Variants in PDE1C observed in about 807,000 individuals in gnomAD.
PDE1C encodes the protein dual specificity calcium/calmodulin-dependent 3',5'-cyclic nucleotide phosphodiesterase 1C.
PDE1C carries 62 observed loss-of-function variants against 93.1 expected under a neutral mutation model. The ratio of observed to expected loss-of-function variants is 0.67; its 90% CI spans 0.54 to 0.82. The LOEUF (loss-of-function observed/expected upper bound fraction) is 0.82, where lower values mean the gene tolerates loss of function less well. Among genes scored for constraint, PDE1C ranks in the 40% least tolerant of loss-of-function variants. The pLI is 0.00. For missense variants in PDE1C, 742 were observed against 884.6 expected, an observed-to-expected ratio of 0.84 and a Z score of 2.04; for synonymous variants, 325 against 310.1, an observed-to-expected ratio of 1.05 and a Z score of -0.50.
intron 1 of PDE1C, among the ~76,000 whole-genome samples, chr7:32,249,253 G>A (rs1323900556): frequency 6.6e-6 from 1 of 152,006 alleles, no homozygotes. Flanking sequence ...AAACAACCTA[G>A]ATCATGTCAC....
intron 1 of PDE1C, among the ~76,000 whole-genome samples, chr7:32,233,852 C>G (rs1246349506): frequency 1.3e-5 from 2 of 151,938 alleles, no homozygotes; most frequent in Non-Finnish European, 2.9e-5. Context: ...ACTTTCTACT[C>G]AAAACTAGCA....
At chr7:32,224,192 G>A (rs532436027) in intron 1 of PDE1C, among the ~76,000 whole-genome samples, 3 of 152,308 alleles carry the variant, frequency 2.0e-5, no homozygotes, top group African/African-American at 7.2e-5. Context: ...GGCCAACATG[G>A]TGAAACCCCA....
intron 2 of PDE1C, among the ~76,000 whole-genome samples, chr7:31,943,355 C>A (rs924943657): frequency 3.9e-5 from 6 of 152,172 alleles, no homozygotes; most frequent in Admixed American, 2.6e-4. Context: ...CACTGCTCAC[C>A]AGACACCTGG....
intron 1 of PDE1C, among the ~76,000 whole-genome samples, chr7:32,064,226 T>C (rs1264895257): frequency 1.3e-5 from 2 of 152,182 alleles, no homozygotes; most frequent in Non-Finnish European, 2.9e-5. Flanking sequence ...GGTCTCTCCA[T>C]GGCTCCATAT....
chr7:32,186,792 T>C (rs1486937843), intron 2 of PDE1C, among the ~76,000 whole-genome samples: 1 of 152,178 alleles, frequency 6.6e-6, no homozygotes, highest in African/African-American at 2.4e-5. Context: ...TGGGAATTTT[T>C]GTAACTATTT....
At chr7:32,228,191 A>G (rs578035059) in intron 1 of PDE1C, among the ~76,000 whole-genome samples, 13 of 152,344 alleles carry the variant, frequency 8.5e-5, no homozygotes, top group African/African-American at 2.6e-4. Flanking sequence ...CCTTCAGAGA[A>G]CCAAACTTTG....
chr7:31,904,788 T>C (rs1800390863), intron 2 of PDE1C, among the ~76,000 whole-genome samples: 1 of 152,164 alleles, frequency 6.6e-6, no homozygotes, highest in Non-Finnish European at 1.5e-5. Flanking sequence ...TTAAATGGCT[T>C]ATGGAAAAAG....
At chr7:31,808,353 A>G (rs966069819) in intron 16 of PDE1C, 2 of 267,188 alleles carry the variant, frequency 7.5e-6, no homozygotes, top group Non-Finnish European at 1.5e-5. Context: ...CCTGTGTGAT[A>G]GCTGAAACAA....
chr7:32,140,281 C>T (rs1800441309), intron 3 of PDE1C, among the ~76,000 whole-genome samples: 1 of 152,152 alleles, frequency 6.6e-6, no homozygotes, highest in African/African-American at 2.4e-5. Flanking sequence ...TAAGAAATAG[C>T]AGTGTCAAGA....
chr7:32,045,040 A>C (rs1792336078), intron 2 of PDE1C, among the ~76,000 whole-genome samples: 1 of 150,132 alleles, frequency 6.7e-6, no homozygotes, highest in South Asian at 2.1e-4. Context: ...AGATCCCTAC[A>C]CCTGTGCCCT....
chr7:32,056,758 T>C (rs1794171766), intron 1 of PDE1C, among the ~76,000 whole-genome samples: 1 of 152,216 alleles, frequency 6.6e-6, no homozygotes, highest in Non-Finnish European at 1.5e-5. Context: ...CAAAACTTAC[T>C]TGATCAAAAA....
At chr7:32,136,381 G>A (rs751514426) in intron 3 of PDE1C, among the ~76,000 whole-genome samples, 21 of 151,474 alleles carry the variant, frequency 1.4e-4, no homozygotes, top group South Asian at 2.1e-4. Context: ...TCACTCTGTC[G>A]CCCAGGCTGG....
At chr7:32,290,213 TGAGACAGGCACTCCA>T (rs1812245891) in intron 1 of PDE1C, among the ~76,000 whole-genome samples, 1 of 152,146 alleles carries the variant, frequency 6.6e-6, no homozygotes, top group Non-Finnish European at 1.5e-5. Context: ...CCGGCTTGGC[TGAGACAGGCACTCCA>T]GATCCCTGGC....
intron 3 of PDE1C, among the ~76,000 whole-genome samples, chr7:32,086,126 T>G (rs890980854): frequency 1.4e-5 from 2 of 147,542 alleles, no homozygotes; most frequent in African/African-American, 5.1e-5. Flanking sequence ...GCCCAAAATC[T>G]CCTTAAGCTG....
At chr7:31,923,987 A>G (rs900810786) in intron 2 of PDE1C, among the ~76,000 whole-genome samples, 2 of 152,136 alleles carry the variant, frequency 1.3e-5, no homozygotes, top group Non-Finnish European at 2.9e-5. Flanking sequence ...TTTCTATTCA[A>G]GATCTCATTC....
intron 1 of PDE1C, among the ~76,000 whole-genome samples, chr7:32,308,083 C>A (rs1813062073): frequency 6.6e-6 from 1 of 152,266 alleles, no homozygotes; most frequent in Admixed American, 6.5e-5. Context: ...GAGATTATAT[C>A]CCGCACATGG....
chr7:31,654,856 A>C, the PDE1C span, among the ~76,000 whole-genome samples: 5 of 152,080 alleles, frequency 3.3e-5, no homozygotes, highest in Non-Finnish European at 7.4e-5. Flanking sequence ...CCACTACTCA[A>C]AACCATCTCA....
At chr7:32,287,828 G>T (rs968937947) in intron 1 of PDE1C, among the ~76,000 whole-genome samples, 5 of 152,192 alleles carry the variant, frequency 3.3e-5, no homozygotes, top group African/African-American at 7.2e-5. Flanking sequence ...CTAATTAGAT[G>T]ACGTGAGGGT....
chr7:31,779,330 C>T (rs556624989), intron 16 of PDE1C, among the ~76,000 whole-genome samples: 1 of 152,310 alleles, frequency 6.6e-6, no homozygotes, highest in South Asian at 2.1e-4. Flanking sequence ...CACAAACTTC[C>T]AATGTTGCTA....
Sources: allele counts gnomAD v4.1 joint callset (sites outside exome capture counted in the v4.1 genomes callset), GRCh38; gene constraint gnomAD v4.1.1; transcripts MANE v1.5; gene names NCBI Gene and HGNC (gene_info 2026-07-23, HGNC 2026-07-21).